Variants in ARL14EP observed in about 807,000 individuals in gnomAD.
The protein encoded by ARL14EP is ARF like GTPase 14 effector protein.
Under a neutral mutation model 23.1 loss-of-function variants are expected in ARL14EP, and 12 were observed. The observed-to-expected ratio is 0.52, with a 90% confidence interval of 0.33 to 0.84. ARL14EP has a LOEUF of 0.84. Among genes scored for constraint, ARL14EP ranks in the 40% least tolerant of loss-of-function variants. The pLI, the probability that ARL14EP is intolerant of heterozygous loss-of-function variation, is 0.02. For missense variants in ARL14EP, 253 were observed against 307.3 expected (o/e 0.82, Z 1.32); for synonymous variants, 97 against 102.0 (o/e 0.95, Z 0.29).
Position 30,336,919 on chromosome 11 carries a change from T to A in ARL14EP, c.*124T>A. On this transcript the variant is annotated 3_prime_UTR_variant, in exon 4 of 4. Transcript: ENST00000282032. ...TTAAAACCATCTCAGTGTGCCCTAA[T>A]TTTTCATCTTGGGTGCTTTAAGATT... 1 of 906,600 alleles carries A rather than the reference T, an allele frequency of 1.1e-6. No individual in the cohort carries two copies. Among genetic ancestry groups the A allele is most frequent in the South Asian group, 1.5e-5 (1 of 67,992 alleles). 56.2% of individuals were successfully genotyped at this position (906,600 alleles called of 1,614,324 possible). A position where few individuals can be genotyped will look rare whatever the true frequency, so the allele number is the denominator to read the frequency against.
intron 1 of ARL14EP, chr11:30,329,112 G>A (rs1295131856): frequency 1.3e-5 from 2 of 151,994 alleles, no homozygotes; most frequent in African/African-American, 4.8e-5. Context: ...ATCCACAAAT[G>A]TGATATATGT....
chr11:30,326,384 T>C (rs1487214170), intron 1 of ARL14EP, among the ~76,000 whole-genome samples: 2 of 152,142 alleles, frequency 1.3e-5, no homozygotes, highest in African/African-American at 4.8e-5. Context: ...CCAACTATAT[T>C]AAGGAAGGGG....
intron 1 of ARL14EP, among the ~76,000 whole-genome samples, chr11:30,326,706 TC>T (rs1947237265): frequency 6.6e-6 from 1 of 152,192 alleles, no homozygotes. Context: ...AATTTGGTGT[TC>T]CTTGAGCTAG....
chr11:30,329,925 T>G (rs1478586520), intron 1 of ARL14EP: 1 of 152,134 alleles, frequency 6.6e-6, no homozygotes, highest in Non-Finnish European at 1.5e-5. Context: ...ATTTATTTAT[T>G]TTTTTGGTAT....
intron 1 of ARL14EP, among the ~76,000 whole-genome samples, chr11:30,324,201 C>T (rs1947218963): frequency 1.3e-5 from 2 of 152,140 alleles, no homozygotes; most frequent in African/African-American, 2.4e-5. Flanking sequence ...AAGAGATAAT[C>T]TGGGAAGACG....
Position 30,327,782 on chromosome 11 carries a change from C to T in ARL14EP, c.-63-3104C>T, listed in dbSNP as rs529675066. ...GACCATCCTGGCTAACATGGTGAAA[C>T]GCCATCTCTACTAAAAATACAAAAA... On this transcript the variant is annotated intron_variant, in intron 1 of 3. Transcript: ENST00000282032. Among the ~76,000 whole-genome samples the T allele has an allele frequency of 1.7e-4, 24 of 143,574 alleles. 1 individual carries two copies. Among genetic ancestry groups the T allele is most frequent in the African/African-American group, 6.0e-4 (23 of 38,192 alleles). The allele number at this position is 143,574 out of a possible 152,430, so 94.2% of individuals were successfully genotyped here. A position where few individuals can be genotyped will look rare whatever the true frequency, so the allele number is the denominator to read the frequency against.
chr11:30,331,010 A>G lies in ARL14EP; in HGVS notation c.62A>G (p.Tyr21Cys). 4 of 1,613,892 alleles carry G rather than the reference A, an allele frequency of 2.5e-6. No individual in the cohort carries two copies. The highest frequency in any genetic ancestry group is 4.5e-5 in the East Asian group (2 of 44,868). The change falls in exon 2 of 4, where the codon TAC becomes TGC. Residue 21 changes from tyrosine to cysteine, a missense_variant. Coordinates refer to ENST00000282032, the MANE Select transcript of ARL14EP (RefSeq NM_152316.3). Reference sequence around the variant, plus strand: ...ACTACAAATGAGTGCCATAAAACCTACTATACTCGTCACACAGGTTTTAAG... The same window carrying G: ...ACTACAAATGAGTGCCATAAAACCTGCTATACTCGTCACACAGGTTTTAAG... ...LRTTNECHKT[Y>C]YTRHTGFKTL...
chr11:30,331,253 G>A lies in ARL14EP; in HGVS notation c.305G>A (p.Ser102Asn). The change falls in exon 2 of 4, where the codon AGT (serine) becomes AAT (asparagine). Residue 102 changes from serine to asparagine, a missense_variant. Ser to Asn is a conservative substitution (Grantham distance 46). Coordinates refer to ENST00000282032, the MANE Select transcript of ARL14EP (RefSeq NM_152316.3). ...GACTTAGATGATGCCACTTTTCTGA[G>A]TGCTAAATTTGGAAGACAGCTTGTA... ...VIDLDDATFL[S>N]AKFGRQLVPG... 1 of 1,613,962 alleles carries A rather than the reference G, an allele frequency of 6.2e-7. No individual in the cohort carries two copies. Among genetic ancestry groups the A allele is most frequent in the Non-Finnish European group, 8.5e-7 (1 of 1,179,898 alleles).
intron 3 of ARL14EP, among the ~76,000 whole-genome samples, chr11:30,335,555 A>C (rs371283385): frequency 6.6e-6 from 1 of 152,174 alleles, no homozygotes; most frequent in East Asian, 1.9e-4. Flanking sequence ...GACCTCCCTG[A>C]TCAGTCAGCT....
At position 30,338,091 on chromosome 11, in the gene ARL14EP, A is replaced by T. The variant is rs988446335; in HGVS notation, c.*1296A>T. On this transcript the variant is annotated 3_prime_UTR_variant, in exon 4 of 4. Coordinates refer to ENST00000282032, the MANE Select transcript of ARL14EP (RefSeq NM_152316.3). ...TCGCTTGTAGCTGGGAACAGTGCTT[A>T]CTTCAGGGAAAACTGATTTTGATAG... The T allele has an allele frequency of 6.6e-6, 1 of 152,192 alleles. No individual in the cohort carries two copies. 9.4% of individuals were successfully genotyped at this position (152,192 alleles called of 1,614,324 possible).
chr11:30,330,070 A>G (rs765649846), intron 1 of ARL14EP: 8 of 152,004 alleles, frequency 5.3e-5, no homozygotes, highest in Non-Finnish European at 1.0e-4. Context: ...TTTGTGCAGA[A>G]GAGATCTAAT....
chr11:30,332,291 T>G (rs763103456), intron 2 of ARL14EP, among the ~76,000 whole-genome samples: 25 of 151,128 alleles, frequency 1.7e-4, no homozygotes, highest in Non-Finnish European at 3.1e-4. Context: ...TACTAGATAC[T>G]TGCTGATAGT....
In ARL14EP at chr11:30,336,990, G is replaced by A. The variant is rs964388531; in HGVS notation, c.*195G>A. The A allele has an allele frequency of 1.6e-5, 10 of 607,482 alleles. No individual in the cohort carries two copies. Among genetic ancestry groups the A allele is most frequent in the East Asian group, 8.8e-5 (3 of 34,174 alleles). The allele number at this position is 607,482 out of a possible 1,614,324, so 37.6% of individuals were successfully genotyped here. On this transcript the variant is annotated 3_prime_UTR_variant, in exon 4 of 4. Coordinates refer to ENST00000282032, the MANE Select transcript of ARL14EP (RefSeq NM_152316.3). ...GATAGGCTATTTTTCAGTAGTCAGC[G>A]TTAAGCCTGTCTGGATCAATATAAA...
At chr11:30,327,344 ATT>A (rs1947244362) in intron 1 of ARL14EP, among the ~76,000 whole-genome samples, 1 of 152,174 alleles carries the variant, frequency 6.6e-6, no homozygotes, top group South Asian at 2.1e-4. Context: ...AAGGAAAAGA[ATT>A]TTTTACCTAA....
chr11:30,323,433 C>T (rs566241291), intron 1 of ARL14EP, among the ~76,000 whole-genome samples: 1 of 152,340 alleles, frequency 6.6e-6, no homozygotes, highest in East Asian at 1.9e-4. Flanking sequence ...GTTCTGCCGC[C>T]TCTGACCTCT....
intron 3 of ARL14EP, 147 bp from the exon 4 acceptor site, chr11:30,336,420 A>G: frequency 1.4e-6 from 1 of 716,116 alleles, no homozygotes. Flanking sequence ...TGACGATAGA[A>G]TAAGCCTTGA....
chr11:30,333,328 T>C (rs1310484810), intron 3 of ARL14EP, among the ~76,000 whole-genome samples: 1 of 152,188 alleles, frequency 6.6e-6, no homozygotes, highest in Non-Finnish European at 1.5e-5. Context: ...CTTCACTTTA[T>C]TCTTTACAAG....
intron 3 of ARL14EP, among the ~76,000 whole-genome samples, 173 bp downstream of exon 3, chr11:30,333,166 C>CT (rs1947299079): frequency 6.6e-6 from 1 of 152,126 alleles, no homozygotes; most frequent in African/African-American, 2.4e-5. Context: ...TAAGGTATCC[C>CT]TTTCAACTAC....
intron 1 of ARL14EP, among the ~76,000 whole-genome samples, chr11:30,326,112 C>T (rs1239456582): frequency 6.6e-6 from 1 of 152,150 alleles, no homozygotes; most frequent in Non-Finnish European, 1.5e-5. Context: ...AAGGCAAATA[C>T]ATATCTGTGT....
Sources: allele counts gnomAD v4.1 joint callset (sites outside exome capture counted in the v4.1 genomes callset), GRCh38; gene constraint gnomAD v4.1.1; transcripts MANE v1.5; gene names NCBI Gene and HGNC (gene_info 2026-07-23, HGNC 2026-07-21).